The following TCEAL8 variants were observed in gnomAD, a reference collection of about 807,000 sequenced individuals.
The protein encoded by TCEAL8 is transcription elongation factor A protein-like 8.
For missense variants in TCEAL8, 78 were observed against 92.0 expected, an observed-to-expected ratio of 0.85 and a Z score of 0.62; for synonymous variants, 41 against 29.6, an observed-to-expected ratio of 1.38 and a Z score of -1.25.
In TCEAL8 at chrX:103,253,153, C is replaced by T. The variant is rs946267230; in HGVS notation, c.*473G>A. Reference sequence around the variant, plus strand: ...TTTGACTCTTACTTGTAAAAAAAATCCTTAATTCTTTTTGTGTGTGAGACA... The same window carrying T: ...TTTGACTCTTACTTGTAAAAAAAATTCTTAATTCTTTTTGTGTGTGAGACA... On this transcript the variant is annotated 3_prime_UTR_variant, in exon 3 of 3. Coordinates refer to ENST00000372685, the MANE Select transcript of TCEAL8 (RefSeq NM_153333.3). 8.7e-6 allele frequency: 1 copy of T among 114,921 alleles called. No homozygotes were observed. The highest frequency in any genetic ancestry group is 3.7e-4 in the South Asian group (1 of 2,733). 9.5% of individuals were successfully genotyped at this position (114,921 alleles called of 1,213,427 possible).
In TCEAL8 at chrX:103,253,594, G is replaced by C; in HGVS notation, c.*32C>G. The C allele has an allele frequency of 9.1e-7, 1 of 1,094,386 alleles. No homozygotes were observed. Among genetic ancestry groups the C allele is most frequent in the Non-Finnish European group, 1.2e-6 (1 of 819,264 alleles). The allele number at this position is 1,094,386 out of a possible 1,213,427, so 90.2% of individuals were successfully genotyped here. ...GAAAATGCTAACAGAAAGAAAGCTG[G>C]GGCCAGATTTTAATATTAGGCAAAA... On this transcript the variant is annotated 3_prime_UTR_variant, in exon 3 of 3. Transcript: ENST00000372685.
rs756510648 is a variant in TCEAL8 at position 103,253,832 on chromosome X, G to C, written c.148C>G (p.Pro50Ala). 1.5e-5 allele frequency: 18 copies of C among 1,210,430 alleles called. No homozygotes were observed. The highest frequency in any genetic ancestry group is 2.3e-4 in the Middle Eastern group (1 of 4,371). The change falls in exon 3 of 3, where the codon CCC (proline) becomes GCC (alanine). Residue 50 changes from proline to alanine, a missense_variant. By Grantham distance (27) the Pro-to-Ala change is conservative. Coordinates refer to ENST00000372685, the MANE Select transcript of TCEAL8 (RefSeq NM_153333.3). ...CCAGGCTGATTCGGCCCTCCTCTGG[G>C]GTTTCCTTCTGCTTCCTGGCTTACG... ...EGVSQEAEGNPRGGPNQPGQG... is the reference protein window; with the variant it reads ...EGVSQEAEGNARGGPNQPGQG...
chrX:103,253,866 G>T lies in TCEAL8; in HGVS notation c.114C>A (p.Ser38=), dbSNP rs1299624345. 2 of 1,211,826 alleles carry T rather than the reference G, an allele frequency of 1.7e-6. No homozygotes were observed. Among genetic ancestry groups the T allele is most frequent in the Middle Eastern group, 4.6e-4 (2 of 4,351 alleles). ...PQEAEGNPQP[S]EEGVSQEAEG... ...CTGCTTCCTGGCTTACGCCTTCTTC[G>T]GAAGGTTGAGGATTTCCTTCTGCCT... Residue 38 remains serine, a synonymous_variant, in exon 3 of 3, where the codon TCC becomes TCA. Transcript: ENST00000372685.
At position 103,253,564 on chromosome X, in the gene TCEAL8, C is replaced by T. The variant is rs1403218041; in HGVS notation, c.*62G>A. 2.1e-6 allele frequency: 2 copies of T among 961,878 alleles called. No individual in the cohort carries two copies. The highest frequency in any genetic ancestry group is 3.9e-5 in the African/African-American group (2 of 51,189). The allele number at this position is 961,878 out of a possible 1,213,427, so 79.3% of individuals were successfully genotyped here. A position where few individuals can be genotyped will look rare whatever the true frequency, so the allele number is the denominator to read the frequency against. ...AAAAGTAAAATGGAGGTCAAAGATACATCAGAAAATGCTAACAGAAAGAAA... is the reference window on the plus strand; with the variant it reads ...AAAAGTAAAATGGAGGTCAAAGATATATCAGAAAATGCTAACAGAAAGAAA... On this transcript the variant is annotated 3_prime_UTR_variant, in exon 3 of 3. Coordinates refer to ENST00000372685, the MANE Select transcript of TCEAL8 (RefSeq NM_153333.3).
chrX:103,253,129 T>C lies in TCEAL8; in HGVS notation c.*497A>G, dbSNP rs1356199429. The C allele has an allele frequency of 5.2e-5, 6 of 114,638 alleles. No individual in the cohort carries two copies. Among genetic ancestry groups the C allele is most frequent in the African/African-American group, 1.9e-4 (6 of 30,913 alleles). 9.4% of individuals were successfully genotyped at this position (114,638 alleles called of 1,213,427 possible). A position where few individuals can be genotyped will look rare whatever the true frequency, so the allele number is the denominator to read the frequency against. ...CCCTCATAAGCTGGTTGCAAATTAT[T>C]TGACTCTTACTTGTAAAAAAAATCC... On this transcript the variant is annotated 3_prime_UTR_variant, in exon 3 of 3. Coordinates refer to ENST00000372685, the MANE Select transcript of TCEAL8 (RefSeq NM_153333.3).
intron 2 of TCEAL8, 101 bp downstream of exon 2, chrX:103,254,504 G>A (rs751645186): frequency 2.1e-4 from 24 of 113,885 alleles, no homozygotes; most frequent in Admixed American, 1.0e-3. Flanking sequence ...TAATCCGGAT[G>A]GGGAGGGGCT....
Position 103,253,592 on chromosome X carries a change from T to C in TCEAL8, c.*34A>G, listed in dbSNP as rs781457912. 1.9e-5 allele frequency: 21 copies of C among 1,092,110 alleles called. No homozygotes were observed. The highest frequency in any genetic ancestry group is 2.6e-5 in the Non-Finnish European group (21 of 816,860). The allele number at this position is 1,092,110 out of a possible 1,213,427, so 90.0% of individuals were successfully genotyped here. The stretch of plus-strand genomic sequence containing the variant: ...CAGAAAATGCTAACAGAAAGAAAGC[T>C]GGGGCCAGATTTTAATATTAGGCAA... On this transcript the variant is annotated 3_prime_UTR_variant, in exon 3 of 3. Transcript: ENST00000372685.
At chrX:103,254,377 CCTCTCACCTGAGACGGCTGGTCCAGT>C (rs1279499138) in intron 2 of TCEAL8, among the ~76,000 whole-genome samples, 13 of 111,058 alleles carry the variant, frequency 1.2e-4, no homozygotes, top group African/African-American at 4.3e-4. Flanking sequence ...CAACCTCCAG[CCTCTCACCTGAGACGGCTGGTCCAGT>C]CTCTGGCCTC....
rs1280443623 is a variant in TCEAL8 at position 103,253,812 on chromosome X, C to T, written c.168G>A (p.Gln56=). 2.0e-5 allele frequency: 24 copies of T among 1,212,069 alleles called. No homozygotes were observed. Among genetic ancestry groups the T allele is most frequent in the Non-Finnish European group, 2.7e-5 (24 of 895,621 alleles). ...AEGNPRGGPN[Q]PGQGFKEDTP... Reference sequence around the variant, plus strand: ...TGTCCTCTTTAAATCCCTGGCCAGGCTGATTCGGCCCTCCTCTGGGGTTTC... The same window carrying T: ...TGTCCTCTTTAAATCCCTGGCCAGGTTGATTCGGCCCTCCTCTGGGGTTTC... The change falls in exon 3 of 3, where the codon CAG becomes CAA. Residue 56 remains glutamine, a synonymous_variant. Coordinates refer to ENST00000372685, the MANE Select transcript of TCEAL8 (RefSeq NM_153333.3).
rs751559808 is a variant in TCEAL8 at position 103,253,444 on chromosome X, T to A, written c.*182A>T. On this transcript the variant is annotated 3_prime_UTR_variant, in exon 3 of 3. Transcript: ENST00000372685. ...CATGCAAATGTGTGAAAGTTTCCAA[T>A]TGAAAAATAGACCTGGAAAATGGGT... 12 of 411,359 alleles carry A rather than the reference T, an allele frequency of 2.9e-5. No individual in the cohort carries two copies. Among genetic ancestry groups the A allele is most frequent in the Admixed American group, 2.7e-4 (6 of 22,113 alleles). 33.9% of individuals were successfully genotyped at this position (411,359 alleles called of 1,213,427 possible).
chrX:103,253,695 C>T lies in TCEAL8; in HGVS notation c.285G>A (p.Lys95=), dbSNP rs1925160535. Residue 95 remains lysine (K), a synonymous_variant, in exon 3 of 3, where the codon AAG becomes AAA. Transcript: ENST00000372685. ...TTTGCTTCCAATGCATCATCACAAA[C>T]TTGTTTCTTACTCTTCTTATCTCTT... ...LREEIRRVRN[K]FVMMHWKQRH... is the part of the protein sequence containing the mutation. The T allele has an allele frequency of 8.3e-7, 1 of 1,211,952 alleles. No individual in the cohort carries two copies. The highest frequency in any genetic ancestry group is 1.7e-5 in the African/African-American group (1 of 57,864).
chrX:103,253,645 G>C lies in TCEAL8; in HGVS notation c.335C>G (p.Pro112Arg). Reference protein sequence around the residue: ...KQRHSRSRPYPVCFRP With the variant: ...KQRHSRSRPYRVCFRP ...ATGAATTCAAGGCCTAAAGCACACAGGATAAGGACGGCTGCGTGAATGTCT... is the reference window on the plus strand; with the variant it reads ...ATGAATTCAAGGCCTAAAGCACACACGATAAGGACGGCTGCGTGAATGTCT... The change falls in exon 3 of 3, where the codon CCT becomes CGT. Residue 112 changes from proline to arginine, a missense_variant. By Grantham distance (103) the Pro-to-Arg change is moderately radical. Coordinates refer to ENST00000372685, the MANE Select transcript of TCEAL8 (RefSeq NM_153333.3). 8.3e-7 allele frequency: 1 copy of C among 1,208,867 alleles called. No homozygotes were observed. The highest frequency in any genetic ancestry group is 1.7e-5 in the African/African-American group (1 of 57,817).
Position 103,253,635 on chromosome X carries a change from A to G in TCEAL8, c.345T>C (p.Phe115=). The G allele has an allele frequency of 2.6e-5, 31 of 1,196,244 alleles. No individual in the cohort carries two copies. Among genetic ancestry groups the G allele is most frequent in the Non-Finnish European group, 3.0e-5 (27 of 886,999 alleles). ...TTAGGCAAAAATGAATTCAAGGCCT[A>G]AAGCACACAGGATAAGGACGGCTGC... The part of the protein sequence containing the change: ...HSRSRPYPVC[F]RP The change falls in exon 3 of 3, where the codon TTT becomes TTC. Residue 115 remains phenylalanine (F), a synonymous_variant. Coordinates refer to ENST00000372685, the MANE Select transcript of TCEAL8 (RefSeq NM_153333.3).
At position 103,253,772 on chromosome X, in the gene TCEAL8, A is replaced by G. The variant is rs1425729798; in HGVS notation, c.208T>C (p.Leu70=). 2.5e-6 allele frequency: 3 copies of G among 1,211,718 alleles called. No individual in the cohort carries two copies. The highest frequency in any genetic ancestry group is 2.3e-4 in the Middle Eastern group (1 of 4,352). ...CCTCTTATCATTTCTTCAGGGTCCAAATGCCTAACGGGTGTGTCCTCTTTA... is the reference window on the plus strand; with the variant it reads ...CCTCTTATCATTTCTTCAGGGTCCAGATGCCTAACGGGTGTGTCCTCTTTA... ...GFKEDTPVRH[L]DPEEMIRGVD... Residue 70 remains leucine, a synonymous_variant, in exon 3 of 3, where the codon TTG becomes CTG. Coordinates refer to ENST00000372685, the MANE Select transcript of TCEAL8 (RefSeq NM_153333.3).
At position 103,253,803 on chromosome X, in the gene TCEAL8, C is replaced by T; in HGVS notation, c.177G>A (p.Gln59=). The part of the protein sequence containing the change: ...NPRGGPNQPG[Q]GFKEDTPVRH... ...TAACGGGTGTGTCCTCTTTAAATCC[C>T]TGGCCAGGCTGATTCGGCCCTCCTC... The change falls in exon 3 of 3, where the codon CAG becomes CAA. Residue 59 remains glutamine (Q), a synonymous_variant. Transcript: ENST00000372685. The T allele has an allele frequency of 3.3e-6, 4 of 1,211,874 alleles. No homozygotes were observed. The highest frequency in any genetic ancestry group is 4.5e-6 in the Non-Finnish European group (4 of 895,566).
chrX:103,253,782 G>C lies in TCEAL8; in HGVS notation c.198C>G (p.Pro66=). 2 of 1,211,780 alleles carry C rather than the reference G, an allele frequency of 1.7e-6. No homozygotes were observed. Among genetic ancestry groups the C allele is most frequent in the South Asian group, 1.8e-5 (1 of 56,974 alleles). ...TTTCTTCAGGGTCCAAATGCCTAAC[G>C]GGTGTGTCCTCTTTAAATCCCTGGC... ...QPGQGFKEDT[P]VRHLDPEEMI... The change falls in exon 3 of 3, where the codon CCC becomes CCG. Residue 66 remains proline (P), a synonymous_variant. Transcript: ENST00000372685.
At chrX:103,254,421 C>A (rs564716925) in intron 2 of TCEAL8, among the ~76,000 whole-genome samples, 184 bp downstream of exon 2, 3 of 110,851 alleles carry the variant, frequency 2.7e-5, no homozygotes, top group African/African-American at 9.9e-5. Context: ...CTCCCCTCCC[C>A]CTTCAGCGTC....
chrX:103,253,987 AT>A lies in TCEAL8; in HGVS notation c.-9del. ...TTCACAAGACTTTTGCATATTGAGT[AT>A]TTTTTATTTCCTTTTTGAATAAATT... On this transcript the variant is annotated 5_prime_UTR_variant, in exon 3 of 3. Transcript: ENST00000372685. The A allele has an allele frequency of 1.7e-6, 2 of 1,156,789 alleles. No homozygotes were observed. The highest frequency in any genetic ancestry group is 2.3e-6 in the Non-Finnish European group (2 of 858,122).
intron 2 of TCEAL8, 51 bp from the exon 3 acceptor site, chrX:103,254,068 G>T: frequency 1.2e-6 from 1 of 829,630 alleles, no homozygotes; most frequent in Non-Finnish European, 1.7e-6. Context: ...CAGACCAGCA[G>T]TCAGAGTATG....
Sources: allele counts gnomAD v4.1 joint callset (sites outside exome capture counted in the v4.1 genomes callset), GRCh38; gene constraint gnomAD v4.1.1; transcripts MANE v1.5; gene names NCBI Gene and HGNC (gene_info 2026-07-23, HGNC 2026-07-21).